Variants in NSD2 observed in about 807,000 individuals in gnomAD.
NSD2 encodes the protein histone-lysine N-methyltransferase NSD2.
NSD2 carries 12 observed loss-of-function variants against 139.0 expected under a neutral mutation model. The ratio of observed to expected loss-of-function variants is 0.09; its 90% confidence interval spans 0.06 to 0.14. The LOEUF (loss-of-function observed/expected upper bound fraction) is 0.14, where lower values mean the gene tolerates loss of function less well. Among genes scored for constraint, NSD2 ranks in the 10% least tolerant of loss-of-function variants. The pLI, the probability that NSD2 is intolerant of heterozygous loss-of-function variation, is 1.00. For missense variants in NSD2, 1,155 were observed against 1,745.0 expected (o/e 0.66, Z 6.02); for synonymous variants, 669 against 648.7 (o/e 1.03, Z -0.48).
At position 1,975,346 on chromosome 4, in the gene NSD2, G is replaced by A. The variant is rs766477164; in HGVS notation, c.3567G>A (p.Thr1189=). The A allele has an allele frequency of 5.6e-6, 9 of 1,614,150 alleles. No individual in the cohort carries two copies. The highest frequency in any genetic ancestry group is 4.0e-5 in the African/African-American group (3 of 75,024). ...YNLDCLGNEK[T]VCRCGASNCS... ...TCGATTGTCTGGGCAATGAAAAAAC[G>A]GTCTGCCGGTGTGGAGCCTCCAATT... is the stretch of plus-strand genomic sequence containing the variant. Residue 1189 remains threonine (T), a synonymous_variant, in exon 20 of 22, where the codon ACG becomes ACA. Coordinates refer to ENST00000508803, the MANE Select transcript of NSD2 (RefSeq NM_001042424.3).
chr4:1,947,770 G>A, intron 9 of NSD2: 1 of 1,048,796 alleles, frequency 9.5e-7, no homozygotes, highest in Non-Finnish European at 1.2e-6. Flanking sequence ...TCAGTTTATA[G>A]AAATATTTAT....
At chr4:1,905,438 CCCTTGGTGGT>C (rs1486742309) in intron 3 of NSD2, among the ~76,000 whole-genome samples, 1 of 152,226 alleles carries the variant, frequency 6.6e-6, no homozygotes, top group East Asian at 1.9e-4. Flanking sequence ...CTCTTATGGC[CCCTTGGTGGT>C]CCTTGCGTAC....
At chr4:1,933,194 T>A (rs1166051747) in intron 6 of NSD2, among the ~76,000 whole-genome samples, 1 of 152,158 alleles carries the variant, frequency 6.6e-6, no homozygotes, top group African/African-American at 2.4e-5. Context: ...TTCTTGCGCA[T>A]TGGGCTCAGG....
At chr4:1,970,514 G>A (rs1726344709) in intron 18 of NSD2, among the ~76,000 whole-genome samples, 1 of 152,196 alleles carries the variant, frequency 6.6e-6, no homozygotes, top group Non-Finnish European at 1.5e-5. Flanking sequence ...TGCCGGGGGT[G>A]AGTGTGCCAG....
At chr4:1,951,501 CACACACACACACACACACACACAA>C (rs1461253647) in intron 10 of NSD2, among the ~76,000 whole-genome samples, 79 of 128,762 alleles carry the variant, frequency 6.1e-4, no homozygotes, top group South Asian at 1.0e-3. Flanking sequence ...CACACACACA[CACACACACACACACACACACACAA>C]AGTTCCTGTT....
Position 1,900,777 on chromosome 4 carries a change from C to T in NSD2, c.123C>T (p.Asn41=). 1 of 1,614,156 alleles carries T rather than the reference C, an allele frequency of 6.2e-7. No homozygotes were observed. The change falls in exon 2 of 22, where the codon AAC becomes AAT. Residue 41 remains asparagine, a synonymous_variant. Transcript: ENST00000508803. ...GGAAGACTCCGAGCTGCGAGGTGAACCGCGAGTGTTCTGTGTTCCTCAGCA... is the reference window on the plus strand; with the variant it reads ...GGAAGACTCCGAGCTGCGAGGTGAATCGCGAGTGTTCTGTGTTCCTCAGCA... ...ANGKTPSCEV[N]RECSVFLSKA...
intron 10 of NSD2, 59 bp downstream of exon 10, chr4:1,951,262 G>T: frequency 6.2e-7 from 1 of 1,606,868 alleles, no homozygotes; most frequent in Non-Finnish European, 8.5e-7. Context: ...GCCCCGGTAC[G>T]CAGAGCGAAT....
In NSD2 at chr4:1,948,566, A is replaced by G; in HGVS notation, c.1882-2506A>G. 9.4e-7 allele frequency: 1 copy of G among 1,064,002 alleles called. No individual in the cohort carries two copies. The allele number at this position is 1,064,002 out of a possible 1,614,324, so 65.9% of individuals were successfully genotyped here. A position where few individuals can be genotyped will look rare whatever the true frequency, so the allele number is the denominator to read the frequency against. ...GGTGGCTGGGAGGGGGTGTGGTGGG[A>G]AAAAGTCGGAATCTCTGCAATCTGT... On this transcript the variant is annotated intron_variant, in intron 9 of 21. Coordinates refer to ENST00000508803, the MANE Select transcript of NSD2 (RefSeq NM_001042424.3). The surrounding 1 kb of genome is among the most constrained non-coding windows in gnomAD (Gnocchi z 4.5).
chr4:1,962,623 G>C (rs954086827), intron 18 of NSD2, among the ~76,000 whole-genome samples: 4 of 152,192 alleles, frequency 2.6e-5, no homozygotes, highest in African/African-American at 9.7e-5. Context: ...GTTCGTTATA[G>C]TATTCTTCCA....
intron 3 of NSD2, chr4:1,912,094 T>C: frequency 2.5e-6 from 1 of 397,460 alleles, no homozygotes; most frequent in South Asian, 1.9e-5. Flanking sequence ...ATCTTAGGTA[T>C]TTTCAAATCA....
intron 1 of NSD2, among the ~76,000 whole-genome samples, chr4:1,896,137 C>G (rs925767175): frequency 6.6e-6 from 1 of 152,250 alleles, no homozygotes; most frequent in Non-Finnish European, 1.5e-5. Context: ...CAGACAGCAG[C>G]TCCACACTTG....
At chr4:1,886,088 T>G (rs183355952) in intron 1 of NSD2, among the ~76,000 whole-genome samples, 74 of 152,348 alleles carry the variant, frequency 4.9e-4, no homozygotes, top group Middle Eastern at 3.4e-3. Flanking sequence ...TTTACGAAAC[T>G]AAAGCGCGTC....
At chr4:1,892,385 C>T (rs1030657769) in intron 1 of NSD2, 5 of 152,226 alleles carry the variant, frequency 3.3e-5, no homozygotes, top group Admixed American at 2.0e-4. Context: ...CTCCCAAGGT[C>T]CATGTGGTCC....
intron 1 of NSD2, among the ~76,000 whole-genome samples, chr4:1,888,183 T>C (rs1577363107): frequency 6.6e-6 from 1 of 151,840 alleles, no homozygotes; most frequent in Non-Finnish European, 1.5e-5. Flanking sequence ...GAGGCTGAGG[T>C]GGGTGGATCA....
At chr4:1,950,638 C>A (rs1294407311) in intron 9 of NSD2, among the ~76,000 whole-genome samples, 1 of 152,196 alleles carries the variant, frequency 6.6e-6, no homozygotes, top group Non-Finnish European at 1.5e-5. Flanking sequence ...CTTACTTCAT[C>A]TGTGGTTCCT....
Position 1,955,568 on chromosome 4 carries a change from A to G in NSD2, c.2519-125A>G, listed in dbSNP as rs1368692475. 3.9e-6 allele frequency: 5 copies of G among 1,296,958 alleles called. No individual in the cohort carries two copies. In the African/African-American group the frequency reaches 6.0e-5, roughly 15 times the overall value. The allele number at this position is 1,296,958 out of a possible 1,614,324, so 80.3% of individuals were successfully genotyped here. A position where few individuals can be genotyped will look rare whatever the true frequency, so the allele number is the denominator to read the frequency against. Reference sequence around the variant, plus strand: ...GACATTTGCTCTCGTGCTGATGTACAGATCGCTGTTTTAAAACTGATGTTT... The same window carrying G: ...GACATTTGCTCTCGTGCTGATGTACGGATCGCTGTTTTAAAACTGATGTTT... On this transcript the variant is annotated intron_variant, in intron 13 of 21. Coordinates refer to ENST00000508803, the MANE Select transcript of NSD2 (RefSeq NM_001042424.3). The surrounding 1 kb of genome is among the most constrained non-coding windows in gnomAD (Gnocchi z 4.7).
In NSD2 at chr4:1,961,056, G is replaced by A. The variant is rs1440755101; in HGVS notation, c.3277G>A (p.Val1093Ile). ...IRKGEFVNEY[V>I]GELIDEEECM... ...CCAGGGAGAATTTGTTAACGAGTAC[G>A]TTGGGGAGCTGATCGACGAGGAGGA... Residue 1093 changes from valine (V) to isoleucine (I), a missense_variant, in exon 18 of 22, where the codon GTT (valine) becomes ATT (isoleucine). Physicochemically the swap from Val to Ile is conservative, Grantham distance 29. This residue lies in a region of NSD2 where 139 missense variants were observed against 485.8 expected (regional missense o/e 0.29). Transcript: ENST00000508803. 2.5e-6 allele frequency: 4 copies of A among 1,613,626 alleles called. No homozygotes were observed. The highest frequency in any genetic ancestry group is 2.2e-5 in the East Asian group (1 of 44,860).
chr4:1,926,895 C>A (rs1331623330), intron 5 of NSD2, among the ~76,000 whole-genome samples: 1 of 152,180 alleles, frequency 6.6e-6, no homozygotes, highest in African/African-American at 2.4e-5. Context: ...TCTATTGTTG[C>A]ATAACATGTT....
At chr4:1,938,202 G>A (rs1001266691) in intron 7 of NSD2, among the ~76,000 whole-genome samples, 1 of 152,122 alleles carries the variant, frequency 6.6e-6, no homozygotes, top group African/African-American at 2.4e-5. Context: ...CGGGAGGTGC[G>A]AAGAAAGAAT....
Sources: gnomAD v4.1 joint callset for allele counts (sites outside exome capture counted in the v4.1 genomes callset) on GRCh38, gnomAD v4.1.1 for gene constraint, gnomAD v4.1.1 regional missense constraint, Gnocchi (gnomAD v3.1) non-coding constraint, MANE v1.5 for transcripts, NCBI Gene and HGNC (gene_info 2026-07-23, HGNC 2026-07-21) for gene names.